The following NR1H3 variants were observed in gnomAD, a reference collection of about 807,000 sequenced individuals.
The protein encoded by NR1H3 is nuclear receptor subfamily 1 group H member 3.
NR1H3 carries 19 observed loss-of-function variants against 48.1 expected under a neutral mutation model. The observed-to-expected ratio is 0.40, with a 90% CI of 0.28 to 0.58. The LOEUF is 0.58. Ranked by LOEUF, NR1H3 falls within the 20% of genes least tolerant of loss-of-function variation. The pLI is 0.50. For missense variants in NR1H3, 486 were observed against 595.9 expected (o/e 0.82, Z 1.92); for synonymous variants, 232 against 227.3 (o/e 1.02, Z -0.19).
chr11:47,262,067 C>T, intron 7 of NR1H3, 49 bp downstream of exon 7: 1 of 1,372,876 alleles, frequency 7.3e-7, no homozygotes, highest in Non-Finnish European at 1.0e-6. Flanking sequence ...ACAGATGCTT[C>T]TTTTTTTATT....
intron 1 of NR1H3, among the ~76,000 whole-genome samples, chr11:47,249,267 C>T (rs571761220): frequency 6.6e-6 from 1 of 152,198 alleles, no homozygotes; most frequent in South Asian, 2.1e-4. Flanking sequence ...CCCTGTTCTC[C>T]AGGAGATGTT....
At chr11:47,262,564 G>C (rs1447915650) in intron 7 of NR1H3, among the ~76,000 whole-genome samples, 1 of 150,042 alleles carries the variant, frequency 6.7e-6, no homozygotes, top group Admixed American at 6.6e-5. Flanking sequence ...ACCCAAGCAG[G>C]AGTGCAGTGG....
At chr11:47,263,047 A>G (rs1476414083) in intron 7 of NR1H3, among the ~76,000 whole-genome samples, 1 of 152,190 alleles carries the variant, frequency 6.6e-6, no homozygotes, top group East Asian at 1.9e-4. Context: ...GAGGAGAAAC[A>G]GGGAGGCACA....
In NR1H3 at chr11:47,259,182, C is replaced by T. The variant is rs1455463615; in HGVS notation, c.-35C>T. 2.5e-6 allele frequency: 4 copies of T among 1,614,162 alleles called. No homozygotes were observed. Among genetic ancestry groups the T allele is most frequent in the Non-Finnish European group, 3.4e-6 (4 of 1,180,014 alleles). On this transcript the variant is annotated splice_region_variant and 5_prime_UTR_variant, in exon 2 of 10. Coordinates refer to ENST00000441012, the MANE Select transcript of NR1H3 (RefSeq NM_005693.4). ...TATAATCTGGGTCCTTCCTGCAGGA[C>T]AGTGCCTTGGTAATGACCAGGGCTC...
At chr11:47,259,654 T>C (rs1955617063) in intron 2 of NR1H3, 137 bp from the exon 3 acceptor site, 1 of 1,507,530 alleles carries the variant, frequency 6.6e-7, no homozygotes, top group Non-Finnish European at 8.8e-7. Flanking sequence ...ACACAGACTC[T>C]AGGGTCCCAA....
chr11:47,257,615 C>A, upstream of NR1H3: 15 of 981,908 alleles, frequency 1.5e-5, no homozygotes, highest in Non-Finnish European at 1.8e-5. Flanking sequence ...CCGGGCCGTG[C>A]TGGGACCTTT....
At position 47,250,915 on chromosome 11, in the gene NR1H3, T is replaced by C. The variant is rs1281440394; in HGVS notation, c.-93+1916T>C. ...GTGCTCACGCCTGTAATCCCGGCAC[T>C]TTGGGAGGCCGAGGCGGGTGGATCA... On this transcript the variant is annotated intron_variant, in intron 1 of 8. Coordinates refer to the NR1H3 transcript ENST00000395397. Among the ~76,000 whole-genome samples the C allele has an allele frequency of 2.6e-5, 4 of 152,364 alleles. No homozygotes were observed. In the East Asian group the frequency reaches 7.7e-4, roughly 29 times the overall value.
intron 1 of NR1H3, chr11:47,249,054 G>C (rs1398395422): frequency 2.1e-6 from 3 of 1,430,156 alleles, no homozygotes; most frequent in Non-Finnish European, 2.8e-6. Flanking sequence ...TGATTAAGAA[G>C]GCCACAAATT....
At position 47,261,220 on chromosome 11, in the gene NR1H3, C is replaced by T. The variant is rs1244249480; in HGVS notation, c.500-21C>T. Reference sequence around the variant, plus strand: ...TCCTTTCCCCATCTGCTCCCTTCCTCATATTTGGCCCTGTCCTTAGGTGTC... The same window carrying T: ...TCCTTTCCCCATCTGCTCCCTTCCTTATATTTGGCCCTGTCCTTAGGTGTC... On this transcript the variant is annotated intron_variant, in intron 4 of 9. Coordinates refer to ENST00000441012, the MANE Select transcript of NR1H3 (RefSeq NM_005693.4). 3 of 1,575,364 alleles carry T rather than the reference C, an allele frequency of 1.9e-6. No homozygotes were observed. In the African/African-American group the frequency reaches 4.1e-5, roughly 22 times the overall value.
At chr11:47,261,082 C>CA (rs34171260) in intron 4 of NR1H3, among the ~76,000 whole-genome samples, 159 bp from the exon 5 acceptor site, 16,442 of 146,136 alleles carry the variant, frequency 0.11, 1,038 homozygotes, top group South Asian at 0.23. Context: ...GACTCTGTTT[C>CA]AAAAAAAAAA....
At chr11:47,250,181 A>G (rs1393258738) in intron 1 of NR1H3, among the ~76,000 whole-genome samples, 1 of 151,982 alleles carries the variant, frequency 6.6e-6, no homozygotes, top group Non-Finnish European at 1.5e-5. Context: ...CCAGGGTGGG[A>G]AGATTGCTTG....
At chr11:47,256,342 A>G (rs891440242), upstream of NR1H3, among the ~76,000 whole-genome samples, 12 of 152,282 alleles carry the variant, frequency 7.9e-5, no homozygotes, top group African/African-American at 2.6e-4. Flanking sequence ...TGCCCGTTCT[A>G]TTTATTTTTC....
chr11:47,249,579 A>T (rs892205909), intron 1 of NR1H3, among the ~76,000 whole-genome samples: 1 of 152,114 alleles, frequency 6.6e-6, no homozygotes, highest in Non-Finnish European at 1.5e-5. Flanking sequence ...AGGTATTTTG[A>T]GGTAAGGGAC....
upstream of NR1H3, chr11:47,257,986 G>C: frequency 1.0e-6 from 1 of 985,888 alleles, no homozygotes; most frequent in African/African-American, 1.7e-5. Flanking sequence ...CTACTTCTCT[G>C]GGGCTCCAGG....
chr11:47,259,121 G>A, intron 1 of NR1H3, 59 bp from the exon 2 acceptor site: 1 of 1,604,708 alleles, frequency 6.2e-7, no homozygotes. Context: ...GTGGAGAAGG[G>A]AGCTGAGGCC....
intron 7 of NR1H3, among the ~76,000 whole-genome samples, chr11:47,265,148 G>T (rs1338710935): frequency 1.3e-5 from 2 of 152,118 alleles, no homozygotes; most frequent in African/African-American, 2.4e-5. Context: ...ACAAAAATTA[G>T]CTGGGCGTGG....
chr11:47,261,425 C>G lies in NR1H3; in HGVS notation c.684C>G (p.Ser228=). ...VAAQQQCNRR[S]FSDRLRVTPW... The stretch of plus-strand genomic sequence containing the variant: ...CCCAGCAACAGTGTAACCGGCGCTC[C>G]TTTTCTGACCGGCTTCGAGTCACGG... Residue 228 remains serine, a synonymous_variant, in exon 5 of 10, where the codon TCC becomes TCG. Transcript: ENST00000441012. The G allele has an allele frequency of 1.2e-6, 2 of 1,614,178 alleles. No individual in the cohort carries two copies. The highest frequency in any genetic ancestry group is 8.5e-7 in the Non-Finnish European group (1 of 1,180,028).
At chr11:47,254,854 C>G (rs555566501), upstream of NR1H3, among the ~76,000 whole-genome samples, 1 of 152,116 alleles carries the variant, frequency 6.6e-6, no homozygotes, top group South Asian at 2.1e-4. Context: ...GTCCCATCTA[C>G]ACCCCCTGTC....
In NR1H3 at chr11:47,261,236, C is replaced by T. The variant is rs1484275094; in HGVS notation, c.500-5C>T. 2 of 1,612,526 alleles carry T rather than the reference C, an allele frequency of 1.2e-6. No homozygotes were observed. Among genetic ancestry groups the T allele is most frequent in the South Asian group, 1.1e-5 (1 of 90,922 alleles). On this transcript the variant is annotated splice_polypyrimidine_tract_variant and splice_region_variant and intron_variant, in intron 4 of 9. Transcript: ENST00000441012. ...TCCCTTCCTCATATTTGGCCCTGTC[C>T]TTAGGTGTCCTGTCAGAAGAACAGA... is the stretch of plus-strand genomic sequence containing the variant.
Sources: gnomAD v4.1 joint callset for allele counts (sites outside exome capture counted in the v4.1 genomes callset) on GRCh38, gnomAD v4.1.1 for gene constraint, MANE v1.5 for transcripts, NCBI Gene and HGNC (gene_info 2026-07-23, HGNC 2026-07-21) for gene names.